Variants in PCDH11X observed in about 807,000 individuals in gnomAD.
PCDH11X encodes protocadherin-11 X-linked.
Under a neutral mutation model 53.3 loss-of-function variants are expected in PCDH11X, and 18 were observed. That is an observed-to-expected ratio of 0.34 (90% CI 0.23 to 0.50). The LOEUF (loss-of-function observed/expected upper bound fraction) is 0.50. PCDH11X is among the 20% of genes least tolerant of loss of function. The pLI is 0.98. For synonymous variants in PCDH11X, 279 were observed against 393.3 expected (o/e 0.71, Z 3.44); for missense variants, 570 against 1,032.4 (o/e 0.55, Z 6.14).
In PCDH11X at chrX:92,619,198, A is replaced by T. The variant is rs199610438; in HGVS notation, c.*258A>T. On this transcript the variant is annotated 3_prime_UTR_variant, in exon 11 of 11. Coordinates refer to ENST00000682573, the MANE Select transcript of PCDH11X (RefSeq NM_032968.5). The stretch of plus-strand genomic sequence containing the variant: ...TGTACAGTAAGGCTTATCATGACAG[A>T]GCGCACTATTTCTGATGTACAGTAT... The T allele has an allele frequency of 1.4e-5, 6 of 414,066 alleles. No individual in the cohort carries two copies. The East Asian group carries it at 1.6e-4, about 11-fold the overall frequency. 34.1% of individuals were successfully genotyped at this position (414,066 alleles called of 1,213,427 possible).
chrX:92,142,390 A>T (rs2065198147), intron 6 of PCDH11X, among the ~76,000 whole-genome samples: 1 of 107,357 alleles, frequency 9.3e-6, no homozygotes, highest in Admixed American at 1.0e-4. Flanking sequence ...ACACACACAC[A>T]CACACACACA....
At chrX:92,541,862 T>C (rs992375914) in intron 10 of PCDH11X, among the ~76,000 whole-genome samples, 5 of 110,543 alleles carry the variant, frequency 4.5e-5, no homozygotes, top group African/African-American at 1.6e-4. Context: ...GGCAGGAGAA[T>C]TGCTTGAACC....
intron 6 of PCDH11X, among the ~76,000 whole-genome samples, chrX:92,197,578 G>A (rs929830004): frequency 1.2e-4 from 13 of 111,672 alleles, no homozygotes; most frequent in African/African-American, 3.2e-4. Flanking sequence ...GTAATCACTA[G>A]AAGCATCCCC....
At chrX:92,432,078 G>A (rs1437532802) in intron 9 of PCDH11X, among the ~76,000 whole-genome samples, 1 of 109,913 alleles carries the variant, frequency 9.1e-6, no homozygotes, top group East Asian at 2.9e-4. Flanking sequence ...TTTTATCGTA[G>A]TTAATGATCC....
intron 8 of PCDH11X, among the ~76,000 whole-genome samples, chrX:92,375,890 G>C (rs774447227): frequency 3.7e-4 from 42 of 112,125 alleles, no homozygotes; most frequent in African/African-American, 1.3e-3. Flanking sequence ...CCAAAGTGCT[G>C]GGATTATAGG....
chrX:92,320,444 CACAA>C (rs886346167), intron 8 of PCDH11X, among the ~76,000 whole-genome samples: 1 of 110,734 alleles, frequency 9.0e-6, no homozygotes, highest in Non-Finnish European at 1.9e-5. Context: ...CACACACACA[CACAA>C]ACACATACTT....
At chrX:92,171,639 T>C (rs1464763202) in intron 6 of PCDH11X, among the ~76,000 whole-genome samples, 1 of 110,348 alleles carries the variant, frequency 9.1e-6, no homozygotes, top group African/African-American at 3.3e-5. Flanking sequence ...TTTTGTATTT[T>C]AGTAGAGATG....
intron 5 of PCDH11X, among the ~76,000 whole-genome samples, chrX:91,866,939 T>C (rs953472023): frequency 4.5e-5 from 5 of 111,723 alleles, no homozygotes; most frequent in African/African-American, 1.6e-4. Context: ...AATGTCTGTG[T>C]TTCATTGAGC....
intron 6 of PCDH11X, among the ~76,000 whole-genome samples, chrX:91,905,680 A>C: frequency 9.0e-6 from 1 of 111,565 alleles, no homozygotes; most frequent in Middle Eastern, 4.6e-3. Flanking sequence ...AAGACACATG[A>C]TATTTTCATT....
intron 6 of PCDH11X, among the ~76,000 whole-genome samples, chrX:92,147,831 C>CTTTCTTTCTTTCT (rs2065303540): frequency 2.2e-5 from 2 of 91,194 alleles, no homozygotes; most frequent in South Asian, 1.0e-3. Context: ...TTCTTTCTTT[C>CTTTCTTTCTTTCT]TTTCTTTCTT....
chrX:92,230,084 C>T (rs1438712600), intron 7 of PCDH11X, among the ~76,000 whole-genome samples: 2 of 110,083 alleles, frequency 1.8e-5, no homozygotes, highest in Non-Finnish European at 3.8e-5. Context: ...CAAGGGAGGG[C>T]AATCACTAGA....
At chrX:92,536,344 C>T (rs1188830977) in intron 10 of PCDH11X, among the ~76,000 whole-genome samples, 3 of 111,225 alleles carry the variant, frequency 2.7e-5, no homozygotes, top group Non-Finnish European at 1.9e-5. Flanking sequence ...TCAATGTGCT[C>T]CTGCATCTCA....
rs199957345 is a variant in PCDH11X, at chrX:92,419,025, GTT to G, written c.3343+31103_3343+31104del. The stretch of plus-strand genomic sequence containing the variant: ...GTTTTCTCTCTCCAGTTGTATTGGG[GTT>G]TTTTTTTTTTCATGTATTTCAAAGC... On this transcript the variant is annotated intron_variant, in intron 9 of 10. Coordinates refer to ENST00000682573, the MANE Select transcript of PCDH11X (RefSeq NM_032968.5). Among the ~76,000 whole-genome samples, 3,762 of 98,418 alleles carry G rather than the reference GTT, an allele frequency of 0.038. 343 individuals carry two copies. In the East Asian group the frequency reaches 0.44, roughly 12 times the overall value. 85.5% of individuals were successfully genotyped at this position (98,418 alleles called of 115,157 possible).
intron 5 of PCDH11X, among the ~76,000 whole-genome samples, chrX:91,848,753 G>A (rs1440200440): frequency 9.0e-6 from 1 of 111,569 alleles, no homozygotes; most frequent in East Asian, 2.8e-4. Flanking sequence ...TCATTTGATG[G>A]TGACTTAAAT....
intron 6 of PCDH11X, among the ~76,000 whole-genome samples, chrX:92,122,898 C>T (rs2064796835): frequency 9.0e-6 from 1 of 111,247 alleles, no homozygotes; most frequent in Non-Finnish European, 1.9e-5. Context: ...GATCATGCCA[C>T]TGCACTCCAG....
intron 6 of PCDH11X, among the ~76,000 whole-genome samples, chrX:92,086,477 G>A (rs1303344575): frequency 2.7e-5 from 3 of 110,732 alleles, no homozygotes; most frequent in Non-Finnish European, 5.7e-5. Context: ...CTGCAGAAAT[G>A]GTAATAACTG....
At chrX:91,804,387 A>G (rs1383268528) in intron 1 of PCDH11X, among the ~76,000 whole-genome samples, 1 of 106,295 alleles carries the variant, frequency 9.4e-6, no homozygotes. Flanking sequence ...AAATATAATT[A>G]ATTAGATTAA....
intron 6 of PCDH11X, among the ~76,000 whole-genome samples, chrX:92,094,281 G>T (rs748902894): frequency 9.1e-6 from 1 of 109,486 alleles, no homozygotes; most frequent in African/African-American, 3.3e-5. Flanking sequence ...ATGGACAACA[G>T]CATTTTATCA....
intron 6 of PCDH11X, among the ~76,000 whole-genome samples, chrX:92,184,652 A>G (rs760320613): frequency 1.8e-5 from 2 of 111,900 alleles, no homozygotes; most frequent in Admixed American, 9.5e-5. Context: ...CCAAGACAAC[A>G]TAATAGAGAA....
Sources: allele counts gnomAD v4.1 joint callset (sites outside exome capture counted in the v4.1 genomes callset), GRCh38; gene constraint gnomAD v4.1.1; transcripts MANE v1.5; gene names NCBI Gene and HGNC (gene_info 2026-07-23, HGNC 2026-07-21).